Variants in FHIT observed in about 807,000 individuals in gnomAD.
The protein encoded by FHIT is bis(5'-adenosyl)-triphosphatase.
FHIT carries 19 observed loss-of-function variants against 17.9 expected under a neutral mutation model. That is an observed-to-expected ratio of 1.06 (90% CI 0.74 to 1.56). The LOEUF (loss-of-function observed/expected upper bound fraction) is 1.56. Among genes scored for constraint, FHIT ranks in the 40% most tolerant of loss-of-function variants. FHIT has a pLI of 0.00. For synonymous variants in FHIT, 81 were observed against 69.7 expected, an observed-to-expected ratio of 1.16 and a Z score of -0.81; for missense variants, 248 against 189.2, an observed-to-expected ratio of 1.31 and a Z score of -1.82.
At chr3:60,925,609 C>T (rs1707552204) in intron 3 of FHIT, among the ~76,000 whole-genome samples, 2 of 152,156 alleles carry the variant, frequency 1.3e-5, no homozygotes, top group Admixed American at 1.3e-4. Context: ...CAGAAATATA[C>T]CAAATTGTAA....
At chr3:60,329,168 T>C (rs780601651) in intron 5 of FHIT, among the ~76,000 whole-genome samples, 8 of 152,232 alleles carry the variant, frequency 5.3e-5, no homozygotes, top group African/African-American at 1.4e-4. Context: ...ATGAGCAATA[T>C]TGATGTTTCC....
chr3:60,541,947 A>G (rs1433497995), intron 4 of FHIT, among the ~76,000 whole-genome samples: 1 of 152,120 alleles, frequency 6.6e-6, no homozygotes, highest in African/African-American at 2.4e-5. Context: ...CACTTTTCCA[A>G]TCATTTTCCT....
intron 5 of FHIT, among the ~76,000 whole-genome samples, chr3:60,335,311 A>C (rs1009880674): frequency 2.0e-5 from 3 of 152,224 alleles, no homozygotes; most frequent in Non-Finnish European, 4.4e-5. Context: ...AATATCTAGA[A>C]AAATTTTAAG....
chr3:61,221,697 C>T (rs1350609109), intron 1 of FHIT, among the ~76,000 whole-genome samples: 1 of 152,222 alleles, frequency 6.6e-6, no homozygotes, highest in Non-Finnish European at 1.5e-5. Flanking sequence ...ACCACTGTTA[C>T]TGCTGCCTCC....
chr3:60,040,854 C>G (rs1701408816), intron 5 of FHIT, among the ~76,000 whole-genome samples: 1 of 152,044 alleles, frequency 6.6e-6, no homozygotes, highest in Admixed American at 6.6e-5. Flanking sequence ...ACTGGATTTC[C>G]TTTTAATTAA....
chr3:59,796,087 G>A (rs114946890), intron 8 of FHIT, among the ~76,000 whole-genome samples: 3,297 of 152,290 alleles, frequency 0.022, 118 homozygotes, highest in African/African-American at 0.072. Context: ...GTGTGCACCT[G>A]CAGCAAGACA....
intron 4 of FHIT, chr3:60,617,388 G>A (rs2038982760): frequency 5.0e-6 from 1 of 199,134 alleles, no homozygotes; most frequent in Non-Finnish European, 1.1e-5. Context: ...AATGTCCCTT[G>A]TACCTTTTCC....
intron 5 of FHIT, among the ~76,000 whole-genome samples, chr3:60,050,044 G>A (rs193005046): frequency 1.2e-3 from 190 of 152,214 alleles, no homozygotes; most frequent in Non-Finnish European, 2.4e-3. Context: ...TACTGAAAGT[G>A]TACATATTAG....
chr3:60,204,540 C>T (rs781037972), intron 5 of FHIT, among the ~76,000 whole-genome samples: 63 of 151,908 alleles, frequency 4.1e-4, no homozygotes, highest in Non-Finnish European at 6.9e-4. Context: ...ATCTTCCTGC[C>T]TCGGCCTCCC....
chr3:60,912,435 G>T (rs782348648), intron 3 of FHIT, among the ~76,000 whole-genome samples: 4 of 152,102 alleles, frequency 2.6e-5, no homozygotes, highest in Non-Finnish European at 5.9e-5. Flanking sequence ...TTATTATAGG[G>T]ATTAAGTGAG....
chr3:60,197,285 C>T (rs1236110578), intron 5 of FHIT, among the ~76,000 whole-genome samples: 2 of 151,872 alleles, frequency 1.3e-5, no homozygotes, highest in East Asian at 3.9e-4. Flanking sequence ...GTAAAATACA[C>T]ACAAGATTTC....
chr3:61,136,690 C>T lies in FHIT; in HGVS notation c.-164+63927G>A, dbSNP rs147364543. Among the ~76,000 whole-genome samples, 121 of 152,324 alleles carry T rather than the reference C, an allele frequency of 7.9e-4. 1 individual carries two copies. The South Asian group carries it at 0.017, about 21-fold the overall frequency. On this transcript the variant is annotated intron_variant, in intron 2 of 9. Transcript: ENST00000492590. ...GACTGGGATACCAGATCCTGAGTTCCTCAAAGGCAGGAGTGTCCAAGTCAT... is the reference window on the plus strand; with the variant it reads ...GACTGGGATACCAGATCCTGAGTTCTTCAAAGGCAGGAGTGTCCAAGTCAT...
intron 1 of FHIT, among the ~76,000 whole-genome samples, chr3:61,209,489 C>A (rs2039378862): frequency 6.6e-6 from 1 of 151,748 alleles, no homozygotes; most frequent in African/African-American, 2.4e-5. Flanking sequence ...CACATAGTCC[C>A]ATATTTCTTG....
At chr3:61,027,117 G>A (rs954713022) in intron 3 of FHIT, among the ~76,000 whole-genome samples, 4 of 151,792 alleles carry the variant, frequency 2.6e-5, no homozygotes, top group Non-Finnish European at 5.9e-5. Context: ...GATGGAGTCT[G>A]GCTCTGTTGC....
chr3:60,247,065 T>C (rs1339863677), intron 5 of FHIT, among the ~76,000 whole-genome samples: 9 of 152,164 alleles, frequency 5.9e-5, no homozygotes, highest in Non-Finnish European at 1.3e-4. Context: ...ACTATGGACT[T>C]TGGGTGTCAA....
intron 5 of FHIT, among the ~76,000 whole-genome samples, chr3:60,332,110 C>G (rs1710006883): frequency 1.3e-5 from 2 of 152,096 alleles, no homozygotes; most frequent in Non-Finnish European, 2.9e-5. Flanking sequence ...AGGTACTGTC[C>G]TTAGCTCTTT....
intron 1 of FHIT, among the ~76,000 whole-genome samples, chr3:61,224,457 C>T (rs1468213245): frequency 2.6e-5 from 4 of 152,122 alleles, no homozygotes; most frequent in African/African-American, 9.7e-5. Context: ...ATTCTTATCG[C>T]CCAGGCTGGA....
At chr3:60,206,149 A>AAATAATAATAATAATAATAATAAT (rs1041282613) in intron 5 of FHIT, among the ~76,000 whole-genome samples, 14 of 94,130 alleles carry the variant, frequency 1.5e-4, no homozygotes, top group South Asian at 3.0e-4. Flanking sequence ...AAAAAAAAAT[A>AAATAATAATAATAATAATAATAAT]AATAATAATA....
At chr3:60,671,440 A>C (rs1344620152) in intron 4 of FHIT, among the ~76,000 whole-genome samples, 1 of 152,160 alleles carries the variant, frequency 6.6e-6, no homozygotes, top group African/African-American at 2.4e-5. Flanking sequence ...AATAGAAAGA[A>C]GGGGTAACAG....
Sources: gnomAD v4.1 joint callset for allele counts (sites outside exome capture counted in the v4.1 genomes callset) on GRCh38, gnomAD v4.1.1 for gene constraint, MANE v1.5 for transcripts, NCBI Gene and HGNC (gene_info 2026-07-23, HGNC 2026-07-21) for gene names.